The following ACBD5 variants were observed in gnomAD, a reference collection of about 807,000 sequenced individuals.
The protein encoded by ACBD5 is acyl-CoA-binding domain-containing protein 5.
A neutral mutation model predicts 71.8 loss-of-function variants in ACBD5; 40 were observed. That is an observed-to-expected ratio of 0.56 (90% confidence interval 0.43 to 0.72). The LOEUF (loss-of-function observed/expected upper bound fraction) is 0.72. Ranked by LOEUF, ACBD5 falls within the 30% of genes least tolerant of loss-of-function variation. ACBD5 has a pLI of 0.00. For synonymous variants in ACBD5, 229 were observed against 218.6 expected, an observed-to-expected ratio of 1.05 and a Z score of -0.42; for missense variants, 559 against 644.5, an observed-to-expected ratio of 0.87 and a Z score of 1.44.
chr10:27,214,892 A>G (rs1415746362), intron 8 of ACBD5, among the ~76,000 whole-genome samples: 1 of 152,120 alleles, frequency 6.6e-6, no homozygotes, highest in East Asian at 1.9e-4. Flanking sequence ...GGTTGGGCAC[A>G]ATGCCTCACG....
At chr10:27,241,591 G>A (rs2027538), upstream of ACBD5, among the ~76,000 whole-genome samples, 14,144 of 152,200 alleles carry the variant, frequency 0.093, 895 homozygotes, top group African/African-American at 0.16. Flanking sequence ...GGGACGGCCG[G>A]GCACAGTGGC....
intron 8 of ACBD5, among the ~76,000 whole-genome samples, chr10:27,212,587 T>TTTC (rs1336312670): frequency 3.3e-5 from 5 of 149,634 alleles, no homozygotes; most frequent in African/African-American, 1.3e-4. Context: ...TGCTTTTTTT[T>TTTC]TTTTTTTTTG....
intron 4 of ACBD5, among the ~76,000 whole-genome samples, chr10:27,226,933 C>T (rs1393504265): frequency 6.7e-6 from 1 of 149,846 alleles, no homozygotes; most frequent in Non-Finnish European, 1.5e-5. Flanking sequence ...GGATTACTAG[C>T]TGGGATTACT....
chr10:27,194,612 A>AAAT (rs60916474), downstream of ACBD5, among the ~76,000 whole-genome samples: 17,543 of 135,320 alleles, frequency 0.13, 1,361 homozygotes, highest in East Asian at 0.38. Flanking sequence ...ACTCCATCTC[A>AAAT]AATAATAATA....
chr10:27,215,211 A>C (rs2061493845), intron 8 of ACBD5, among the ~76,000 whole-genome samples: 1 of 152,126 alleles, frequency 6.6e-6, no homozygotes, highest in Non-Finnish European at 1.5e-5. Context: ...TTTCCTGAAC[A>C]TTAATAAATG....
At chr10:27,228,187 T>C (rs2063328229) in intron 4 of ACBD5, among the ~76,000 whole-genome samples, 1 of 151,266 alleles carries the variant, frequency 6.6e-6, no homozygotes, top group East Asian at 1.9e-4. Flanking sequence ...ACCCATCTCT[T>C]TTTAAATTCA....
chr10:27,223,078 C>T, intron 5 of ACBD5: 1 of 655,054 alleles, frequency 1.5e-6, no homozygotes. Flanking sequence ...TGTTTTGGAA[C>T]TTCATATAAT....
At chr10:27,202,740 T>A (rs893551530) in intron 12 of ACBD5, among the ~76,000 whole-genome samples, 1 of 152,116 alleles carries the variant, frequency 6.6e-6, no homozygotes, top group Non-Finnish European at 1.5e-5. Flanking sequence ...AAAGGAACTT[T>A]GAGATGCATT....
At chr10:27,200,012 G>A (rs948664054) in intron 12 of ACBD5, among the ~76,000 whole-genome samples, 13 of 151,934 alleles carry the variant, frequency 8.6e-5, no homozygotes, top group Admixed American at 8.5e-4. Flanking sequence ...AGGAAAACTG[G>A]TTAGAAACAT....
intron 9 of ACBD5, among the ~76,000 whole-genome samples, chr10:27,209,429 TCTC>T (rs1402208867): frequency 6.6e-6 from 1 of 152,132 alleles, no homozygotes. Flanking sequence ...TTCGGCCGAT[TCTC>T]CTACCTCAGC....
At chr10:27,184,071 T>TA (rs1437953034) in intron 13 of ACBD5, among the ~76,000 whole-genome samples, 1 of 152,174 alleles carries the variant, frequency 6.6e-6, no homozygotes, top group Non-Finnish European at 1.5e-5. Context: ...AGCTAGGTGA[T>TA]ATTGCTTCAG....
Position 27,219,726 on chromosome 10 carries a change from T to C in ACBD5, c.622A>G (p.Asn208Asp). The C allele has an allele frequency of 6.2e-7, 1 of 1,613,928 alleles. No individual in the cohort carries two copies. Among genetic ancestry groups the C allele is most frequent in the Non-Finnish European group, 8.5e-7 (1 of 1,179,870 alleles). ...TAACTGATTTTCCAAACATTACCAT[T>C]ATCACTTTGTTCTGCTCCTTTCACT... Reference protein sequence around the residue: ...EEVKGAEQSDNDKKMMKKSAD... With the variant: ...EEVKGAEQSDDDKKMMKKSAD... Residue 208 changes from asparagine to aspartate, a missense_variant, in exon 6 of 13, where the codon AAT (asparagine) becomes GAT (aspartate). Asn to Asp is a conservative substitution (Grantham distance 23). Transcript: ENST00000396271.
downstream of ACBD5, among the ~76,000 whole-genome samples, chr10:27,190,730 G>C (rs1336895555): frequency 6.6e-6 from 1 of 152,228 alleles, no homozygotes. Context: ...TGTGGAAAGT[G>C]TATTGTACGG....
chr10:27,188,045 T>A (rs897035736), intron 13 of ACBD5, among the ~76,000 whole-genome samples: 1 of 152,222 alleles, frequency 6.6e-6, no homozygotes, highest in East Asian at 1.9e-4. Context: ...GGTTTAGTGT[T>A]TTTACTTTCC....
rs369671927 is a variant in ACBD5 at position 27,187,623 on chromosome 10, AC to A, written c.1494-4909del. ...AAAAATTAGCCAGGTATGGTGACGC[AC>A]ACCTGTAGTCCCAGCTACTTGGGAG... On this transcript the variant is annotated intron_variant, in intron 13 of 13. Transcript: ENST00000676511. 1.1e-3 allele frequency among the ~76,000 whole-genome samples: 160 copies of A among 149,964 alleles called. 5 individuals carry two copies. The South Asian group carries it at 0.033, about 31-fold the overall frequency.
At position 27,210,820 on chromosome 10, in the gene ACBD5, C is replaced by T; in HGVS notation, c.1198G>A (p.Gly400Arg). 1 of 1,614,126 alleles carries T rather than the reference C, an allele frequency of 6.2e-7. No individual in the cohort carries two copies. The highest frequency in any genetic ancestry group is 8.5e-7 in the Non-Finnish European group (1 of 1,180,012). Residue 400 changes from glycine (G) to arginine (R), a missense_variant, in exon 9 of 13, where the codon GGA becomes AGA. By Grantham distance (125) the Gly-to-Arg change is moderately radical. Coordinates refer to ENST00000396271, the MANE Select transcript of ACBD5 (RefSeq NM_145698.5). The part of the protein sequence containing the change: ...ETDEFSNVRR[G>R]RGHRMQHLSE... ...GAAAAAAGGTAATCCACACCTCTTC[C>T]TCTTCTAACATTAGAGAATTCGTCA...
At chr10:27,235,356 A>G in intron 2 of ACBD5, 144 bp from the exon 3 acceptor site, 1 of 1,104,150 alleles carries the variant, frequency 9.1e-7, no homozygotes, top group Non-Finnish European at 1.3e-6. Flanking sequence ...TAGAAACAAA[A>G]GTTATGGTTC....
intron 5 of ACBD5, among the ~76,000 whole-genome samples, chr10:27,222,758 A>G (rs1251632277): frequency 6.6e-6 from 1 of 151,936 alleles, no homozygotes; most frequent in East Asian, 1.9e-4. Flanking sequence ...TTTTGTAGAG[A>G]CGGGGTTTCA....
chr10:27,225,102 G>A (rs1407461478), intron 4 of ACBD5, among the ~76,000 whole-genome samples: 9 of 140,504 alleles, frequency 6.4e-5, no homozygotes, highest in Admixed American at 2.9e-4. Flanking sequence ...TGGAGACAGC[G>A]TCTCGCTCCA....
Sources: allele counts gnomAD v4.1 joint callset (sites outside exome capture counted in the v4.1 genomes callset), GRCh38; gene constraint gnomAD v4.1.1; transcripts MANE v1.5; gene names NCBI Gene and HGNC (gene_info 2026-07-23, HGNC 2026-07-21).